Variants in DLEC1 observed in about 807,000 individuals in gnomAD.
DLEC1 encodes DLEC1 cilia and flagella associated protein, also known as deleted in lung and esophageal cancer protein 1.
A neutral mutation model predicts 198.1 loss-of-function variants in DLEC1; 146 were observed. The observed-to-expected ratio is 0.74, with a 90% CI of 0.64 to 0.85. DLEC1 has a LOEUF of 0.85. Among genes scored for constraint, DLEC1 ranks in the 40% least tolerant of loss-of-function variants. The probability of loss-of-function intolerance (pLI) is 0.00; values close to 1 mark genes in which losing one functional copy is unlikely to be tolerated. For missense variants in DLEC1, 2,233 were observed against 2,220.0 expected (o/e 1.01, Z -0.12); for synonymous variants, 897 against 866.8 (o/e 1.03, Z -0.61).
At chr3:38,047,195 C>G (rs1700922690) in intron 2 of DLEC1, among the ~76,000 whole-genome samples, 1 of 152,210 alleles carries the variant, frequency 6.6e-6, no homozygotes. Flanking sequence ...ATCAAAGCTC[C>G]ATCGCCATAC....
intron 5 of DLEC1, among the ~76,000 whole-genome samples, chr3:38,063,065 G>T (rs2125615148): frequency 6.6e-6 from 1 of 152,272 alleles, no homozygotes; most frequent in African/African-American, 2.4e-5. Context: ...AGCAATCTGG[G>T]TCAAATGGAA....
Position 38,120,465 on chromosome 3 carries a change from ACT to A in DLEC1, c.4726_4727del (p.Ser1576ProfsTer12). The A allele has an allele frequency of 6.2e-7, 1 of 1,613,822 alleles. No homozygotes were observed. The highest frequency in any genetic ancestry group is 8.5e-7 in the Non-Finnish European group (1 of 1,179,926). ...ENMLVNVSFS[L>X]SLELLSYQKL... is the part of the protein sequence containing the mutation. ...CTGCTCAGGTGAACGTGTCCTTCTC[ACT>A]CTCCCTGGAGCTGCTCTCCTATCAG... On this transcript the variant is annotated frameshift_variant, in exon 34 of 37. Transcript: ENST00000308059. LOFTEE classifies it high-confidence loss of function.
intron 11 of DLEC1, 134 bp from the exon 12 acceptor site, chr3:38,093,471 C>A (rs1025717722): frequency 9.7e-7 from 1 of 1,026,970 alleles, no homozygotes; most frequent in South Asian, 1.5e-5. Context: ...TCCCCCTTTT[C>A]CCTCCAGTGT....
intron 6 of DLEC1, among the ~76,000 whole-genome samples, chr3:38,064,751 G>A (rs1026656958): frequency 2.0e-5 from 3 of 151,184 alleles, no homozygotes; most frequent in Non-Finnish European, 4.4e-5. Flanking sequence ...GGGCGGCGGG[G>A]CAGAGGCGCT....
At position 38,117,528 on chromosome 3, in the gene DLEC1, C is replaced by T. The variant is rs1700243953; in HGVS notation, c.4402C>T (p.Leu1468=). 1 of 1,614,054 alleles carries T rather than the reference C, an allele frequency of 6.2e-7. No individual in the cohort carries two copies. The highest frequency in any genetic ancestry group is 8.5e-7 in the Non-Finnish European group (1 of 1,180,000). ...DLHSYVRPAQ[L]SVELDYGGSM... The stretch of plus-strand genomic sequence containing the variant: ...CCAACAATGCCTATTGCTGGGCAGG[C>T]TAAGTGTGGAGCTGGACTACGGCGG... Residue 1468 remains leucine, a splice_region_variant and synonymous_variant, in exon 32 of 37, where the codon CTA becomes TTA. Transcript: ENST00000308059.
At chr3:38,084,702 G>C (rs1250208643) in intron 7 of DLEC1, among the ~76,000 whole-genome samples, 1 of 151,112 alleles carries the variant, frequency 6.6e-6, no homozygotes, top group Non-Finnish European at 1.5e-5. Context: ...TCTACAGCCT[G>C]GGCCTGGACT....
intron 2 of DLEC1, among the ~76,000 whole-genome samples, chr3:38,053,424 C>T (rs1458137415): frequency 2.7e-4 from 41 of 149,630 alleles, no homozygotes; most frequent in African/African-American, 8.1e-4. Flanking sequence ...ATGTGAGGAG[C>T]GCCTCTGCCC....
chr3:38,077,968 C>G (rs1575156063), intron 6 of DLEC1, among the ~76,000 whole-genome samples: 1 of 152,140 alleles, frequency 6.6e-6, no homozygotes, highest in African/African-American at 2.4e-5. Context: ...GTGGCTTGTA[C>G]TATAGCATAG....
chr3:38,062,826 C>T (rs1399545169), intron 5 of DLEC1, 25 bp downstream of exon 5: 1 of 1,609,156 alleles, frequency 6.2e-7, no homozygotes, highest in Non-Finnish European at 8.5e-7. Flanking sequence ...GGCTTGAACT[C>T]TCAGAAAACC....
chr3:38,084,376 T>TA, intron 7 of DLEC1, 131 bp downstream of exon 7: 1 of 762,292 alleles, frequency 1.3e-6, no homozygotes, highest in Non-Finnish European at 2.1e-6. Flanking sequence ...GTAGTAGTGA[T>TA]GGTGGTAGTA....
At chr3:38,054,829 A>G (rs777679284) in intron 2 of DLEC1, among the ~76,000 whole-genome samples, 1 of 152,242 alleles carries the variant, frequency 6.6e-6, no homozygotes, top group Non-Finnish European at 1.5e-5. Flanking sequence ...TACCAAGCAC[A>G]TATGGGAAAA....
rs1700555445 is a variant in DLEC1 at position 38,122,710 on chromosome 3, T to C, written c.*298T>C. ...AGTCTTGGAAAAAAACCACAGCCAC[T>C]AAGATAAATTCATGCACTTTTACTA... On this transcript the variant is annotated 3_prime_UTR_variant, in exon 37 of 37. Coordinates refer to ENST00000308059, the MANE Select transcript of DLEC1 (RefSeq NM_007335.4). 7.2e-7 allele frequency: 1 copy of C among 1,380,252 alleles called. No homozygotes were observed. Among genetic ancestry groups the C allele is most frequent in the South Asian group, 1.5e-5 (1 of 65,780 alleles). 85.5% of individuals were successfully genotyped at this position (1,380,252 alleles called of 1,614,324 possible). A position where few individuals can be genotyped will look rare whatever the true frequency, so the allele number is the denominator to read the frequency against.
At chr3:38,068,161 T>A (rs1029696066) in intron 6 of DLEC1, among the ~76,000 whole-genome samples, 4 of 152,184 alleles carry the variant, frequency 2.6e-5, no homozygotes, top group Non-Finnish European at 5.9e-5. Context: ...CTGCATGCCG[T>A]AGATTACAAA....
chr3:38,112,486 G>T lies in DLEC1; in HGVS notation c.3666+125G>T. ...AAACCTCACCAGGTTGAAACGCGATGCCCACCGAGCTTGGGATGGGCATTC... is the reference window on the plus strand; with the variant it reads ...AAACCTCACCAGGTTGAAACGCGATTCCCACCGAGCTTGGGATGGGCATTC... On this transcript the variant is annotated intron_variant, in intron 25 of 36. Coordinates refer to ENST00000308059, the MANE Select transcript of DLEC1 (RefSeq NM_007335.4). The surrounding 1 kb of genome is among the most constrained non-coding windows in gnomAD (Gnocchi z 4.8). The T allele has an allele frequency of 7.1e-7, 1 of 1,402,972 alleles. No individual in the cohort carries two copies. Among genetic ancestry groups the T allele is most frequent in the Non-Finnish European group, 9.7e-7 (1 of 1,028,458 alleles). 86.9% of individuals were successfully genotyped at this position (1,402,972 alleles called of 1,614,324 possible).
rs758931539 is a variant in DLEC1 at position 38,118,035 on chromosome 3, G to A, written c.4704+11G>A. ...CAGGAGAACATGCTGGTCAGTGGGGGAGTCTGCAGCCCTTGCCTCGATGGC... is the reference window on the plus strand; with the variant it reads ...CAGGAGAACATGCTGGTCAGTGGGGAAGTCTGCAGCCCTTGCCTCGATGGC... On this transcript the variant is annotated intron_variant, in intron 33 of 36. Transcript: ENST00000308059. The A allele has an allele frequency of 6.3e-7, 1 of 1,582,438 alleles. No individual in the cohort carries two copies. Among genetic ancestry groups the A allele is most frequent in the African/African-American group, 1.4e-5 (1 of 73,914 alleles).
chr3:38,043,286 A>G (rs746170861), intron 1 of DLEC1, among the ~76,000 whole-genome samples: 1 of 152,220 alleles, frequency 6.6e-6, no homozygotes, highest in Non-Finnish European at 1.5e-5. Context: ...TAAATGAGTC[A>G]ATACAGTAAA....
chr3:38,065,173 C>T (rs539474900), intron 6 of DLEC1, among the ~76,000 whole-genome samples: 135 of 152,352 alleles, frequency 8.9e-4, no homozygotes, highest in African/African-American at 3.1e-3. Flanking sequence ...CCCGTCTCCA[C>T]CAAAAAACAC....
rs768790574 is a variant in DLEC1, at chr3:38,117,548, C to T, written c.4422C>T (p.Tyr1474=). Residue 1474 remains tyrosine (Y), a synonymous_variant, in exon 32 of 37, where the codon TAC becomes TAT. Coordinates refer to ENST00000308059, the MANE Select transcript of DLEC1 (RefSeq NM_007335.4). The part of the protein sequence containing the change: ...RPAQLSVELD[Y]GGSMEFQCQA... ...GCAGGCTAAGTGTGGAGCTGGACTACGGCGGCAGTATGGAATTCCAGTGCC... is the reference window on the plus strand; with the variant it reads ...GCAGGCTAAGTGTGGAGCTGGACTATGGCGGCAGTATGGAATTCCAGTGCC... 75 of 1,614,080 alleles carry T rather than the reference C, an allele frequency of 4.6e-5. No homozygotes were observed. The Admixed American group carries it at 8.0e-4, about 17-fold the overall frequency.
Position 38,039,365 on chromosome 3 carries a change from C to T in DLEC1, c.140C>T (p.Ser47Phe), listed in dbSNP as rs771083258. The T allele has an allele frequency of 6.2e-7, 1 of 1,614,220 alleles. No individual in the cohort carries two copies. The highest frequency in any genetic ancestry group is 8.5e-7 in the Non-Finnish European group (1 of 1,180,032). ...SQPTWKSSLYSSLAYSEAFHY... is the reference protein window; with the variant it reads ...SQPTWKSSLYFSLAYSEAFHY... ...CCCACCTGGAAGTCCTCCTTGTATT[C>T]CTCCCTCGCCTACTCTGAGGCCTTC... The change falls in exon 1 of 37, where the codon TCC becomes TTC. Residue 47 changes from serine to phenylalanine, a missense_variant. Physicochemically the swap from Ser to Phe is radical, Grantham distance 155. Transcript: ENST00000308059.
Sources: allele counts gnomAD v4.1 joint callset (sites outside exome capture counted in the v4.1 genomes callset), GRCh38; gene constraint gnomAD v4.1.1; non-coding constraint Gnocchi (gnomAD v3.1); transcripts MANE v1.5; gene names NCBI Gene and HGNC (gene_info 2026-07-23, HGNC 2026-07-21).